Variants in STRIP2 observed in about 807,000 individuals in gnomAD.
STRIP2 encodes the protein striatin-interacting protein 2.
STRIP2 carries 84 observed loss-of-function variants against 107.1 expected under a neutral mutation model. That is an observed-to-expected ratio of 0.78 (90% CI 0.66 to 0.94). The LOEUF is 0.94. STRIP2 is among the 40% of genes least tolerant of loss of function. The probability of loss-of-function intolerance (pLI) is 0.00; values close to 1 mark genes in which losing one functional copy is unlikely to be tolerated. For synonymous variants in STRIP2, 394 were observed against 400.4 expected (o/e 0.98, Z 0.19); for missense variants, 888 against 1,034.2 (o/e 0.86, Z 1.94).
chr7:129,463,151 C>T (rs1193772561), intron 14 of STRIP2, 111 bp downstream of exon 14: 2 of 882,386 alleles, frequency 2.3e-6, no homozygotes, highest in Non-Finnish European at 3.5e-6. Flanking sequence ...TGAGCCTTTG[C>T]CCCTTTGGCA....
intron 18 of STRIP2, among the ~76,000 whole-genome samples, chr7:129,476,337 A>C (rs1798942436): frequency 7.0e-6 from 1 of 143,010 alleles, no homozygotes. Flanking sequence ...CTCACTTCTC[A>C]GACGGGGCGG....
chr7:129,471,804 C>G (rs1798794390), intron 18 of STRIP2, among the ~76,000 whole-genome samples: 1 of 152,050 alleles, frequency 6.6e-6, no homozygotes, highest in Admixed American at 6.5e-5. Context: ...GACCCATGTC[C>G]TGAGACACCA....
At position 129,451,639 on chromosome 7, in the gene STRIP2, G is replaced by C; in HGVS notation, c.301G>C (p.Glu101Gln). Residue 101 changes from glutamate (E) to glutamine (Q), a missense_variant, in exon 4 of 21, where the codon GAA (glutamate) becomes CAA (glutamine). Coordinates refer to ENST00000249344, the MANE Select transcript of STRIP2 (RefSeq NM_020704.3). Reference protein sequence around the residue: ...QVQGKEWLELEEDAQKAYIMG... With the variant: ...QVQGKEWLELQEDAQKAYIMG... ...GCAGGGCAAGGAATGGCTGGAGTTG[G>C]AAGAAGATGCCCAAAAGGCCTATAT... 7 of 1,614,164 alleles carry C rather than the reference G, an allele frequency of 4.3e-6. No individual in the cohort carries two copies. Among genetic ancestry groups the C allele is most frequent in the Non-Finnish European group, 5.9e-6 (7 of 1,180,044 alleles).
intron 18 of STRIP2, among the ~76,000 whole-genome samples, chr7:129,478,801 G>C (rs1248222083): frequency 6.6e-6 from 1 of 152,074 alleles, no homozygotes. Flanking sequence ...AAGTATTCTG[G>C]TATCTATTCC....
At chr7:129,470,786 C>G in intron 18 of STRIP2, 71 bp downstream of exon 18, 1 of 1,263,982 alleles carries the variant, frequency 7.9e-7, no homozygotes, top group Non-Finnish European at 1.2e-6. Context: ...TCTTTCATTT[C>G]TTCTCCAACC....
At chr7:129,457,002 A>G (rs896158) in intron 9 of STRIP2, among the ~76,000 whole-genome samples, 30,430 of 151,954 alleles carry the variant, frequency 0.2, 3,926 homozygotes, top group Non-Finnish European at 0.28. Flanking sequence ...AAGCAAATCC[A>G]TTTTTCTGGG....
Position 129,483,104 on chromosome 7 carries a change from A to G in STRIP2, c.2254+58A>G. ...GTTTCCTGGGGTTTAGACAAAACTA[A>G]ATAAATATTTATCACTCCTCTTTTG... On this transcript the variant is annotated intron_variant, in intron 20 of 20. Transcript: ENST00000249344. This position sits in a 1 kb window ranked among gnomAD's most constrained non-coding sequence, Gnocchi z 5.1. 1 of 1,571,744 alleles carries G rather than the reference A, an allele frequency of 6.4e-7. No individual in the cohort carries two copies. The highest frequency in any genetic ancestry group is 2.3e-5 in the East Asian group (1 of 44,074).
chr7:129,467,445 A>T lies in STRIP2; in HGVS notation c.1872A>T (p.Lys624Asn), dbSNP rs769536465. 1 of 1,611,866 alleles carries T rather than the reference A, an allele frequency of 6.2e-7. No homozygotes were observed. The highest frequency in any genetic ancestry group is 1.1e-5 in the South Asian group (1 of 90,998). ...ATATCTTGTCATACATCACTGCCAA[A>T]AACAGGTATGAACTCTGGACAGGTT... ...NQNILSYITA[K>N]NSISVLDYPC... The change falls in exon 17 of 21, where the codon AAA becomes AAT. Residue 624 changes from lysine to asparagine, a missense_variant. Coordinates refer to ENST00000249344, the MANE Select transcript of STRIP2 (RefSeq NM_020704.3).
Position 129,486,865 on chromosome 7 carries a change from T to C in STRIP2, c.*1036T>C, listed in dbSNP as rs1799253206. The C allele has an allele frequency of 6.6e-6, 1 of 152,176 alleles. No homozygotes were observed. The highest frequency in any genetic ancestry group is 2.1e-4 in the South Asian group (1 of 4,834). The allele number at this position is 152,176 out of a possible 1,614,324, so 9.4% of individuals were successfully genotyped here. ...GCAATACTGTCTCTACTTAAAAGTA[T>C]TGCACATTTCATTGAAAATGTGAGA... On this transcript the variant is annotated 3_prime_UTR_variant, in exon 21 of 21. Coordinates refer to ENST00000249344, the MANE Select transcript of STRIP2 (RefSeq NM_020704.3).
chr7:129,448,208 T>C (rs540344874), intron 3 of STRIP2, among the ~76,000 whole-genome samples: 1 of 152,282 alleles, frequency 6.6e-6, no homozygotes, highest in South Asian at 2.1e-4. Flanking sequence ...CTTCATTAGT[T>C]ACCTGACCTC....
At chr7:129,435,901 A>T (rs762665609) in intron 1 of STRIP2, among the ~76,000 whole-genome samples, 1 of 152,084 alleles carries the variant, frequency 6.6e-6, no homozygotes, top group Non-Finnish European at 1.5e-5. Flanking sequence ...TATGCTTTAC[A>T]TTTTGATGTA....
intron 3 of STRIP2, among the ~76,000 whole-genome samples, chr7:129,450,079 A>G (rs184036026): frequency 6.6e-6 from 1 of 152,316 alleles, no homozygotes; most frequent in Non-Finnish European, 1.5e-5. Flanking sequence ...AGTTTCCACC[A>G]AGGACTATCA....
At position 129,458,195 on chromosome 7, in the gene STRIP2, C is replaced by G. The variant is rs1169952073; in HGVS notation, c.1039-20C>G. On this transcript the variant is annotated intron_variant, in intron 9 of 20. Transcript: ENST00000249344. This position sits in a 1 kb window ranked among gnomAD's most constrained non-coding sequence, Gnocchi z 4.6. ...AGAGTGAGATCTCTGCATGCCTACC[C>G]TCCCTTCTTTCCCCTCCAGCAACTC... The G allele has an allele frequency of 6.3e-7, 1 of 1,599,876 alleles. No homozygotes were observed. Among genetic ancestry groups the G allele is most frequent in the Non-Finnish European group, 8.6e-7 (1 of 1,167,650 alleles).
intron 20 of STRIP2, among the ~76,000 whole-genome samples, 163 bp from the exon 21 acceptor site, chr7:129,485,416 G>T (rs1488506249): frequency 7.3e-6 from 1 of 137,262 alleles, no homozygotes; most frequent in African/African-American, 2.7e-5. Context: ...AAACCTAAGT[G>T]TCAGCATGCT....
Position 129,464,604 on chromosome 7 carries a change from C to T in STRIP2, c.1650-8C>T. 6.2e-7 allele frequency: 1 copy of T among 1,613,954 alleles called. No homozygotes were observed. Among genetic ancestry groups the T allele is most frequent in the Non-Finnish European group, 8.5e-7 (1 of 1,179,928 alleles). On this transcript the variant is annotated splice_polypyrimidine_tract_variant and splice_region_variant and intron_variant, in intron 15 of 20. Transcript: ENST00000249344. ...TCTCTGCACTAATACCTTCTCTCCC[C>T]ATTGTAGCATCACTGTTCTCCAGAG...
At chr7:129,456,807 G>A (rs529463179) in intron 9 of STRIP2, among the ~76,000 whole-genome samples, 165 bp downstream of exon 9, 1 of 152,220 alleles carries the variant, frequency 6.6e-6, no homozygotes, top group African/African-American at 2.4e-5. Context: ...TTTGGCCTCT[G>A]TCCCCCAGCC....
intron 17 of STRIP2, among the ~76,000 whole-genome samples, chr7:129,468,999 C>T (rs1189464395): frequency 2.0e-5 from 3 of 152,170 alleles, no homozygotes; most frequent in African/African-American, 4.8e-5. Flanking sequence ...TAGTGAAATA[C>T]GTCTATATGA....
intron 2 of STRIP2, among the ~76,000 whole-genome samples, chr7:129,442,994 A>G (rs1447807461): frequency 1.3e-5 from 2 of 151,598 alleles, no homozygotes; most frequent in Admixed American, 1.3e-4. Flanking sequence ...CTGGAGAGAG[A>G]TAGAGAGAGT....
intron 1 of STRIP2, among the ~76,000 whole-genome samples, chr7:129,435,471 A>G (rs1451621556): frequency 6.6e-6 from 1 of 152,170 alleles, no homozygotes; most frequent in African/African-American, 2.4e-5. Context: ...GACCTAAAAA[A>G]AAGAGGAGTG....
Sources: gnomAD v4.1 joint callset for allele counts (sites outside exome capture counted in the v4.1 genomes callset) on GRCh38, gnomAD v4.1.1 for gene constraint, Gnocchi (gnomAD v3.1) non-coding constraint, MANE v1.5 for transcripts, NCBI Gene and HGNC (gene_info 2026-07-23, HGNC 2026-07-21) for gene names.